ACOT12: variants seen among roughly 807,000 people sequenced by gnomAD.
ACOT12 encodes acetyl-coenzyme A thioesterase.
ACOT12 carries 51 observed loss-of-function variants against 67.7 expected under a neutral mutation model. The ratio of observed to expected loss-of-function variants is 0.75; its 90% CI spans 0.60 to 0.95. The LOEUF (loss-of-function observed/expected upper bound fraction) is 0.95. Among genes scored for constraint, ACOT12 ranks in the 40% least tolerant of loss-of-function variants. The pLI is 0.00. For missense variants in ACOT12, 734 were observed against 708.1 expected (o/e 1.04, Z -0.41); for synonymous variants, 251 against 244.6 (o/e 1.03, Z -0.24).
intron 2 of ACOT12, among the ~76,000 whole-genome samples, chr5:81,379,293 A>G (rs1760508636): frequency 6.7e-6 from 1 of 148,348 alleles, no homozygotes; most frequent in African/African-American, 2.5e-5. Context: ...GAACACATGG[A>G]CAAAGGGAGG....
intron 1 of ACOT12, among the ~76,000 whole-genome samples, chr5:81,389,349 A>C (rs1387733110): frequency 6.6e-6 from 1 of 152,138 alleles, no homozygotes; most frequent in Non-Finnish European, 1.5e-5. Context: ...TGTAATTATT[A>C]TTCTTCAAGA....
chr5:81,349,567 C>T (rs978194930), intron 5 of ACOT12, among the ~76,000 whole-genome samples: 5 of 152,146 alleles, frequency 3.3e-5, no homozygotes, highest in African/African-American at 4.8e-5. Context: ...CTCAGTGGAG[C>T]CTTCTCTGAC....
intron 1 of ACOT12, 45 bp downstream of exon 1, chr5:81,393,943 G>T (rs979628147): frequency 1.6e-6 from 2 of 1,285,258 alleles, no homozygotes; most frequent in Non-Finnish European, 2.0e-6. Flanking sequence ...CGCCGCTCCC[G>T]CAGCCCCGGT....
chr5:81,376,786 T>G (rs1419207771), intron 2 of ACOT12, among the ~76,000 whole-genome samples: 1 of 151,896 alleles, frequency 6.6e-6, no homozygotes, highest in Non-Finnish European at 1.5e-5. Context: ...AAGACTAAAC[T>G]AGGAAGAAGT....
At chr5:81,314,249 C>T in the ACOT12 span, among the ~76,000 whole-genome samples, 1 of 151,836 alleles carries the variant, frequency 6.6e-6, no homozygotes, top group African/African-American at 2.4e-5. Context: ...GGATTATAGG[C>T]ACGCACCACC....
chr5:81,352,860 C>A (rs1759595144), intron 5 of ACOT12, among the ~76,000 whole-genome samples: 1 of 152,082 alleles, frequency 6.6e-6, no homozygotes, highest in Non-Finnish European at 1.5e-5. Context: ...ATATATACAC[C>A]TACTGTGTAC....
At chr5:81,325,370 T>G (rs1159253756), downstream of ACOT12, among the ~76,000 whole-genome samples, 2 of 152,178 alleles carry the variant, frequency 1.3e-5, no homozygotes, top group African/African-American at 4.8e-5. Context: ...AAATTTGTGG[T>G]CACGAACTTA....
intron 4 of ACOT12, among the ~76,000 whole-genome samples, chr5:81,363,307 C>T (rs967167770): frequency 3.3e-5 from 5 of 152,132 alleles, no homozygotes; most frequent in Non-Finnish European, 7.4e-5. Context: ...CCCCACATGC[C>T]CAGAAGCTTA....
chr5:81,379,559 T>A (rs1334801640), intron 2 of ACOT12, among the ~76,000 whole-genome samples: 1 of 152,036 alleles, frequency 6.6e-6, no homozygotes, highest in Non-Finnish European at 1.5e-5. Flanking sequence ...AGTAACCCCA[T>A]GAGGTGGGCA....
At chr5:81,364,034 T>A in intron 3 of ACOT12, 145 bp from the exon 4 acceptor site, 1 of 451,482 alleles carries the variant, frequency 2.2e-6, no homozygotes, top group Non-Finnish European at 3.7e-6. Flanking sequence ...AATAGAATTA[T>A]TTCAATGATG....
chr5:81,350,263 TGA>T, intron 5 of ACOT12, among the ~76,000 whole-genome samples: 1 of 152,334 alleles, frequency 6.6e-6, no homozygotes, highest in East Asian at 1.9e-4. Flanking sequence ...ATTCATTCAC[TGA>T]GTTTCAAATT....
intron 11 of ACOT12, among the ~76,000 whole-genome samples, chr5:81,339,867 A>G (rs1294023131): frequency 6.6e-6 from 1 of 150,812 alleles, no homozygotes; most frequent in Non-Finnish European, 1.5e-5. Flanking sequence ...TTACCATCTA[A>G]TTTATATTGA....
chr5:81,334,599 C>T (rs1330596534), intron 12 of ACOT12, among the ~76,000 whole-genome samples: 4 of 152,194 alleles, frequency 2.6e-5, no homozygotes, highest in Non-Finnish European at 4.4e-5. Context: ...GGTATTAAAT[C>T]ATATGTTACA....
intron 5 of ACOT12, among the ~76,000 whole-genome samples, chr5:81,352,451 C>T (rs745607342): frequency 2.0e-5 from 3 of 152,072 alleles, no homozygotes; most frequent in South Asian, 2.1e-4. Flanking sequence ...TCCTGTCATC[C>T]GCAACAACAT....
At chr5:81,332,992 C>A (rs1169669954) in intron 12 of ACOT12, among the ~76,000 whole-genome samples, 1 of 151,312 alleles carries the variant, frequency 6.6e-6, no homozygotes, top group Non-Finnish European at 1.5e-5. Context: ...TCACTTGAGC[C>A]TGAGAGGTTG....
chr5:81,370,215 C>T (rs767410003), intron 3 of ACOT12, among the ~76,000 whole-genome samples: 2 of 151,936 alleles, frequency 1.3e-5, no homozygotes, highest in African/African-American at 4.8e-5. Flanking sequence ...CGGAGGTTGC[C>T]GTGAGCCGAG....
At chr5:81,358,234 T>C (rs1759785296) in intron 5 of ACOT12, among the ~76,000 whole-genome samples, 1 of 152,160 alleles carries the variant, frequency 6.6e-6, no homozygotes, top group Non-Finnish European at 1.5e-5. Context: ...TGTTAAATGC[T>C]TGAGTTTCCT....
At chr5:81,321,887 C>T in the ACOT12 span, among the ~76,000 whole-genome samples, 18 of 152,186 alleles carry the variant, frequency 1.2e-4, no homozygotes, top group South Asian at 4.1e-4. Context: ...GCAAAGGTTG[C>T]GGTGAGTGGA....
At chr5:81,359,820 G>T in intron 5 of ACOT12, 83 bp downstream of exon 5, 1 of 1,413,790 alleles carries the variant, frequency 7.1e-7, no homozygotes, top group South Asian at 1.4e-5. Context: ...TAATAATAAG[G>T]TGAAAATAAG....
Sources: allele counts gnomAD v4.1 joint callset (sites outside exome capture counted in the v4.1 genomes callset), GRCh38; gene constraint gnomAD v4.1.1; transcripts MANE v1.5; gene names NCBI Gene and HGNC (gene_info 2026-07-23, HGNC 2026-07-21).